Variants in SLC36A1 observed in about 807,000 individuals in gnomAD.
The protein encoded by SLC36A1 is proton-coupled amino acid transporter 1.
In SLC36A1, 30 loss-of-function variants were observed where a neutral mutation model predicts 47.5. That is an observed-to-expected ratio of 0.63 (90% CI 0.47 to 0.86). SLC36A1 has a LOEUF of 0.86. Ranked by LOEUF, SLC36A1 falls within the 40% of genes least tolerant of loss-of-function variation. The pLI is 0.00. For synonymous variants in SLC36A1, 255 were observed against 249.7 expected (o/e 1.02, Z -0.20); for missense variants, 517 against 606.0 (o/e 0.85, Z 1.54).
the SLC36A1 span, among the ~76,000 whole-genome samples, chr5:151,529,841 G>A: frequency 1.3e-5 from 2 of 152,126 alleles, no homozygotes; most frequent in African/African-American, 4.8e-5. Flanking sequence ...AATACTCAAA[G>A]TTGCCCACAA....
the SLC36A1 span, chr5:151,549,192 T>A: frequency 3.1e-3 from 3,283 of 1,062,574 alleles, 91 homozygotes; most frequent in South Asian, 0.047. Flanking sequence ...CAAGGCTTAA[T>A]GAGCTTGGTA....
the SLC36A1 span, among the ~76,000 whole-genome samples, chr5:151,408,765 A>G: frequency 6.6e-6 from 1 of 152,232 alleles, no homozygotes; most frequent in Non-Finnish European, 1.5e-5. Flanking sequence ...CAGCTGGAGA[A>G]CAATGCTTTT....
At chr5:151,504,843 G>A in the SLC36A1 span, 1 of 152,698 alleles carries the variant, frequency 6.5e-6, no homozygotes, top group Non-Finnish European at 1.5e-5. Context: ...GCAGCCAGTG[G>A]TGTGACTCTG....
chr5:151,511,458 A>T, the SLC36A1 span: 1 of 152,312 alleles, frequency 6.6e-6, no homozygotes. Flanking sequence ...TGAGCCTGTG[A>T]CTTCCACCCC....
chr5:151,468,527 C>A (rs1390526572), intron 7 of SLC36A1, among the ~76,000 whole-genome samples: 3 of 150,460 alleles, frequency 2.0e-5, no homozygotes, highest in African/African-American at 7.3e-5. Context: ...TGTTCTTGGG[C>A]CCTGTTGACA....
the SLC36A1 span, among the ~76,000 whole-genome samples, chr5:151,371,286 G>A: frequency 5.9e-5 from 9 of 152,076 alleles, no homozygotes; most frequent in African/African-American, 2.2e-4. Context: ...GAGTTCTTAT[G>A]TACTTTAATT....
At chr5:151,532,013 C>T in the SLC36A1 span, 36 of 1,598,406 alleles carry the variant, frequency 2.3e-5, no homozygotes, top group Non-Finnish European at 2.7e-5. Flanking sequence ...GAGGGCGCCT[C>T]CTCTGGACCT....
chr5:151,361,660 A>G, the SLC36A1 span, among the ~76,000 whole-genome samples: 1 of 152,182 alleles, frequency 6.6e-6, no homozygotes, highest in Non-Finnish European at 1.5e-5. Context: ...CTGGGTACTT[A>G]CTTTTATCAG....
At chr5:151,398,263 G>A in the SLC36A1 span, among the ~76,000 whole-genome samples, 2 of 152,090 alleles carry the variant, frequency 1.3e-5, no homozygotes, top group Non-Finnish European at 2.9e-5. Context: ...TATAATTTTT[G>A]TTATGGAAAA....
chr5:151,365,310 A>G, the SLC36A1 span, among the ~76,000 whole-genome samples: 1 of 152,218 alleles, frequency 6.6e-6, no homozygotes, highest in South Asian at 2.1e-4. Flanking sequence ...TGCCTGTGGC[A>G]TATAGATGTG....
intron 8 of SLC36A1, 66 bp from the exon 9 acceptor site, chr5:151,476,524 T>G: frequency 7.8e-7 from 1 of 1,286,466 alleles, no homozygotes; most frequent in East Asian, 2.4e-5. Flanking sequence ...TGAGGTTTTT[T>G]TTTTTCTTGG....
At chr5:151,385,795 A>T in the SLC36A1 span, among the ~76,000 whole-genome samples, 1 of 152,160 alleles carries the variant, frequency 6.6e-6, no homozygotes, top group African/African-American at 2.4e-5. Context: ...ATTTTTGCAC[A>T]CAATTCTAGG....
At chr5:151,492,484 G>T (rs574899705), downstream of SLC36A1, 1 of 151,268 alleles carries the variant, frequency 6.6e-6, no homozygotes, top group Non-Finnish European at 1.5e-5. Context: ...AGTTCATATG[G>T]CAAAGTGGCA....
intron 2 of SLC36A1, among the ~76,000 whole-genome samples, chr5:151,462,602 A>T (rs900158114): frequency 6.6e-6 from 1 of 151,534 alleles, no homozygotes; most frequent in Non-Finnish European, 1.5e-5. Context: ...TGACCTCATG[A>T]TCTGCCCGCC....
the SLC36A1 span, among the ~76,000 whole-genome samples, chr5:151,548,332 G>A: frequency 6.6e-6 from 1 of 151,430 alleles, no homozygotes; most frequent in Non-Finnish European, 1.5e-5. Flanking sequence ...CATTAATTAT[G>A]TATTATAATT....
chr5:151,483,557 C>A (rs1336727799), intron 10 of SLC36A1, among the ~76,000 whole-genome samples: 12 of 150,722 alleles, frequency 8.0e-5, no homozygotes, highest in Admixed American at 2.0e-4. Flanking sequence ...AGGGCTGTTC[C>A]TGGCTGGCTG....
At chr5:151,498,094 G>C in the SLC36A1 span, among the ~76,000 whole-genome samples, 1 of 152,150 alleles carries the variant, frequency 6.6e-6, no homozygotes, top group Admixed American at 6.5e-5. Context: ...ACAGGCGCCT[G>C]CCACCACGCC....
the SLC36A1 span, chr5:151,532,113 G>T: frequency 1.9e-6 from 2 of 1,069,254 alleles, no homozygotes; most frequent in Non-Finnish European, 2.7e-6. Context: ...AAGAGTGAGG[G>T]TCTCTCCAGC....
At chr5:151,472,078 A>G (rs150995819) in intron 7 of SLC36A1, among the ~76,000 whole-genome samples, 275 of 152,320 alleles carry the variant, frequency 1.8e-3, no homozygotes, top group African/African-American at 6.2e-3. Flanking sequence ...AGGGTTCTCT[A>G]GAGGGACAGA....
Sources: gnomAD v4.1 joint callset for allele counts (sites outside exome capture counted in the v4.1 genomes callset) on GRCh38, gnomAD v4.1.1 for gene constraint, MANE v1.5 for transcripts, NCBI Gene and HGNC (gene_info 2026-07-23, HGNC 2026-07-21) for gene names.